The following UBE2E2 variants were observed in gnomAD, a reference collection of about 807,000 sequenced individuals.
UBE2E2 encodes ubiquitin conjugating enzyme E2 E2, also known as ubiquitin-conjugating enzyme E2 E2.
A neutral mutation model predicts 24.7 loss-of-function variants in UBE2E2; 6 were observed. That is an observed-to-expected ratio of 0.24 (90% confidence interval 0.13 to 0.48). The LOEUF is 0.48. UBE2E2 is among the 20% of genes least tolerant of loss of function. The pLI is 0.99. For missense variants in UBE2E2, 169 were observed against 245.0 expected (o/e 0.69, Z 2.07); for synonymous variants, 104 against 83.6 (o/e 1.24, Z -1.33).
At chr3:23,356,817 TCCAA>T (rs1257340340) in intron 3 of UBE2E2, among the ~76,000 whole-genome samples, 1 of 152,230 alleles carries the variant, frequency 6.6e-6, no homozygotes. Flanking sequence ...AACACAGGTC[TCCAA>T]CCCCTGGTGC....
intron 3 of UBE2E2, among the ~76,000 whole-genome samples, chr3:23,330,289 T>G (rs1440030616): frequency 6.6e-6 from 1 of 152,230 alleles, no homozygotes; most frequent in African/African-American, 2.4e-5. Context: ...ATGAACTCAT[T>G]AGTCTCTATT....
At chr3:23,385,987 T>C (rs1428742322) in intron 3 of UBE2E2, among the ~76,000 whole-genome samples, 1 of 152,228 alleles carries the variant, frequency 6.6e-6, no homozygotes, top group Non-Finnish European at 1.5e-5. Context: ...TTTTTTCAAC[T>C]TATTTGATGC....
At chr3:23,443,842 A>C (rs1172708746) in intron 3 of UBE2E2, among the ~76,000 whole-genome samples, 1 of 152,118 alleles carries the variant, frequency 6.6e-6, no homozygotes, top group African/African-American at 2.4e-5. Flanking sequence ...TGAGGCCTCC[A>C]TTTTTGTGAG....
At chr3:23,333,479 A>C (rs1035529422) in intron 3 of UBE2E2, among the ~76,000 whole-genome samples, 4 of 152,094 alleles carry the variant, frequency 2.6e-5, no homozygotes, top group African/African-American at 9.7e-5. Flanking sequence ...TTTCCTCCCC[A>C]ACTCCCCCTA....
intron 3 of UBE2E2, among the ~76,000 whole-genome samples, chr3:23,484,724 A>G (rs1176609945): frequency 6.6e-6 from 1 of 152,176 alleles, no homozygotes; most frequent in Non-Finnish European, 1.5e-5. Context: ...CCTCACAATC[A>G]TGGCGCGAGG....
At chr3:23,528,546 C>CT (rs772929752) in intron 4 of UBE2E2, among the ~76,000 whole-genome samples, 2 of 152,204 alleles carry the variant, frequency 1.3e-5, no homozygotes, top group East Asian at 3.9e-4. Flanking sequence ...CGCCTTTTTA[C>CT]TTTGTTTAGT....
chr3:23,412,889 C>CAT (rs953906016), intron 3 of UBE2E2, among the ~76,000 whole-genome samples: 2 of 152,092 alleles, frequency 1.3e-5, no homozygotes, highest in African/African-American at 4.8e-5. Flanking sequence ...GCAGCTAAAG[C>CAT]ATTATCATTC....
chr3:23,269,549 T>G (rs1442104897), intron 3 of UBE2E2, among the ~76,000 whole-genome samples: 2 of 152,094 alleles, frequency 1.3e-5, no homozygotes, highest in Non-Finnish European at 2.9e-5. Context: ...GGACAGGATT[T>G]GAGGGTGGGA....
intron 3 of UBE2E2, among the ~76,000 whole-genome samples, chr3:23,491,520 A>C (rs947703560): frequency 6.6e-6 from 1 of 152,218 alleles, no homozygotes; most frequent in African/African-American, 2.4e-5. Context: ...GGTCAGACCT[A>C]CAGAACATCT....
intron 3 of UBE2E2, among the ~76,000 whole-genome samples, chr3:23,432,427 A>G (rs927626659): frequency 3.3e-5 from 5 of 152,096 alleles, no homozygotes; most frequent in East Asian, 1.9e-4. Flanking sequence ...AATGATTACT[A>G]TAGGACTTTA....
intron 3 of UBE2E2, among the ~76,000 whole-genome samples, chr3:23,379,707 A>G (rs1696618048): frequency 6.6e-6 from 1 of 152,124 alleles, no homozygotes; most frequent in Non-Finnish European, 1.5e-5. Context: ...TCTCTCGGAC[A>G]TGGTACTAAG....
chr3:23,532,547 C>T lies in UBE2E2; in HGVS notation c.361-7C>T. 1 of 1,504,010 alleles carries T rather than the reference C, an allele frequency of 6.6e-7. No homozygotes were observed. The highest frequency in any genetic ancestry group is 9.0e-7 in the Non-Finnish European group (1 of 1,106,426). The allele number at this position is 1,504,010 out of a possible 1,614,324, so 93.2% of individuals were successfully genotyped here. On this transcript the variant is annotated splice_polypyrimidine_tract_variant and splice_region_variant and intron_variant, in intron 4 of 5. Coordinates refer to ENST00000396703, the MANE Select transcript of UBE2E2 (RefSeq NM_152653.4). ...CTAACAAAATATAACTTTACATTTT[C>T]TTGTAGGTTACCTTCCGAACAAGAA...
intron 3 of UBE2E2, among the ~76,000 whole-genome samples, chr3:23,227,420 G>T (rs1228636075): frequency 6.6e-6 from 1 of 152,150 alleles, no homozygotes; most frequent in Non-Finnish European, 1.5e-5. Flanking sequence ...ATAACTGAAA[G>T]TTTATGTGAA....
chr3:23,405,974 A>G (rs1293991184), intron 3 of UBE2E2, among the ~76,000 whole-genome samples: 1 of 152,224 alleles, frequency 6.6e-6, no homozygotes, highest in Non-Finnish European at 1.5e-5. Flanking sequence ...GCCAAGTTAA[A>G]ATCTCAGCCT....
chr3:23,352,439 C>T (rs1197906638), intron 3 of UBE2E2, among the ~76,000 whole-genome samples: 1 of 151,438 alleles, frequency 6.6e-6, no homozygotes, highest in East Asian at 1.9e-4. Flanking sequence ...AGTAATGAAT[C>T]CAGGAGCTGG....
intron 3 of UBE2E2, among the ~76,000 whole-genome samples, chr3:23,332,385 C>G (rs2125302253): frequency 6.6e-6 from 1 of 152,222 alleles, no homozygotes; most frequent in African/African-American, 2.4e-5. Flanking sequence ...CTCAAGCAGT[C>G]CACCTGCCTC....
intron 5 of UBE2E2, among the ~76,000 whole-genome samples, chr3:23,563,474 A>C (rs1220918650): frequency 6.6e-6 from 1 of 152,022 alleles, no homozygotes; most frequent in Non-Finnish European, 1.5e-5. Flanking sequence ...TTTGCTGAGG[A>C]GTGTTTTACT....
At chr3:23,289,963 G>C (rs1429948996) in intron 3 of UBE2E2, among the ~76,000 whole-genome samples, 2 of 151,638 alleles carry the variant, frequency 1.3e-5, no homozygotes, top group Non-Finnish European at 2.9e-5. Flanking sequence ...TTCTCTTACG[G>C]AGCATATATG....
chr3:23,245,313 T>C (rs959834972), intron 3 of UBE2E2, among the ~76,000 whole-genome samples: 3 of 152,196 alleles, frequency 2.0e-5, no homozygotes, highest in African/African-American at 7.2e-5. Flanking sequence ...GTAAACATTA[T>C]GCTGAATATT....
Sources: gnomAD v4.1 joint callset for allele counts (sites outside exome capture counted in the v4.1 genomes callset) on GRCh38, gnomAD v4.1.1 for gene constraint, MANE v1.5 for transcripts, NCBI Gene and HGNC (gene_info 2026-07-23, HGNC 2026-07-21) for gene names.